The following RGL1 variants were observed in gnomAD, a reference collection of about 807,000 sequenced individuals.
RGL1 encodes the protein ral guanine nucleotide dissociation stimulator like 1, also known as ral guanine nucleotide dissociation stimulator-like 1.
RGL1 carries 24 observed loss-of-function variants against 95.2 expected under a neutral mutation model. The ratio of observed to expected loss-of-function variants is 0.25; its 90% CI spans 0.18 to 0.35. The LOEUF (loss-of-function observed/expected upper bound fraction) is 0.35. Among genes scored for constraint, RGL1 ranks in the 10% least tolerant of loss-of-function variants. The pLI, the probability that RGL1 is intolerant of heterozygous loss-of-function variation, is 1.00. For missense variants in RGL1, 715 were observed against 936.3 expected (o/e 0.76, Z 3.08); for synonymous variants, 329 against 344.9 (o/e 0.95, Z 0.51).
In RGL1 at chr1:183,776,450, A is replaced by AT. The variant is rs540845486; in HGVS notation, c.133-29915dup. On this transcript the variant is annotated intron_variant, in intron 2 of 18. Coordinates refer to the RGL1 transcript ENST00000304685. ...GGCGTGAGCCACCGCGCCCGGCCAGATTTTTTTTTTAAAACATGTGATCAG... is the reference window on the plus strand; with the variant it reads ...GGCGTGAGCCACCGCGCCCGGCCAGATTTTTTTTTTTAAAACATGTGATCAG... 1.8e-3 allele frequency among the ~76,000 whole-genome samples: 271 copies of AT among 150,428 alleles called. 4 individuals are homozygous for AT. Among genetic ancestry groups the AT allele is most frequent in the South Asian group, 0.016 (75 of 4,742 alleles).
chr1:183,832,577 G>T (rs772124293), intron 2 of RGL1, among the ~76,000 whole-genome samples: 14 of 152,166 alleles, frequency 9.2e-5, no homozygotes, highest in Non-Finnish European at 1.8e-4. Flanking sequence ...AGTGAAGGAT[G>T]AGGAACTGTT....
chr1:183,922,431 C>T (rs951269381), intron 17 of RGL1, 95 bp downstream of exon 17: 5 of 904,900 alleles, frequency 5.5e-6, no homozygotes, highest in East Asian at 2.6e-5. Flanking sequence ...AAAACGGATA[C>T]GTATTGTTTT....
At position 183,724,639 on chromosome 1, in the gene RGL1, C is replaced by T. The variant is rs1656207504; in HGVS notation, c.-32-17487C>T. Among the ~76,000 whole-genome samples the T allele has an allele frequency of 6.6e-6, 1 of 152,050 alleles. No individual in the cohort carries two copies. Among genetic ancestry groups the T allele is most frequent in the South Asian group, 2.1e-4 (1 of 4,828 alleles). On this transcript the variant is annotated intron_variant, in intron 1 of 18. Coordinates refer to the RGL1 transcript ENST00000304685. The surrounding 1 kb of genome is among the most constrained non-coding windows in gnomAD (Gnocchi z 4.1). Reference sequence around the variant, plus strand: ...TTATATTGTAGTTTGGGTGTCAGCACAGCAGCAGTAGAATAGAGCACCAGG... The same window carrying T: ...TTATATTGTAGTTTGGGTGTCAGCATAGCAGCAGTAGAATAGAGCACCAGG...
At chr1:183,717,900 A>T (rs1655726916) in intron 1 of RGL1, among the ~76,000 whole-genome samples, 1 of 152,198 alleles carries the variant, frequency 6.6e-6, no homozygotes, top group Admixed American at 6.5e-5. Flanking sequence ...ACATCCTCTC[A>T]GGTTGGGGCA....
Position 183,883,840 on chromosome 1 carries a change from G to A in RGL1, c.665G>A (p.Gly222Asp), listed in dbSNP as rs1666961387. Residue 222 changes from glycine (G) to aspartate (D), a missense_variant, in exon 6 of 18, where the codon GGT becomes GAT. This residue lies in a region of RGL1 where 381 missense variants were observed against 484.8 expected (regional missense o/e 0.79). Coordinates refer to ENST00000360851, the MANE Select transcript of RGL1 (RefSeq NM_001297671.3). Reference protein sequence around the residue: ...FSLEEEEELEGGESAEFTCFS... With the variant: ...FSLEEEEELEDGESAEFTCFS... Reference sequence around the variant, plus strand: ...CTGGAAGAGGAAGAGGAACTGGAGGGTGGAGAGTCAGCAGAATTCACGTGC... The same window carrying A: ...CTGGAAGAGGAAGAGGAACTGGAGGATGGAGAGTCAGCAGAATTCACGTGC... The A allele has an allele frequency of 2.5e-6, 4 of 1,614,020 alleles. No individual in the cohort carries two copies. The African/African-American group carries it at 4.0e-5, about 16-fold the overall frequency.
intron 4 of RGL1, among the ~76,000 whole-genome samples, chr1:183,869,128 A>G (rs1558260357): frequency 1.3e-5 from 2 of 152,186 alleles, no homozygotes; most frequent in African/African-American, 4.8e-5. Flanking sequence ...TCTTAAAAGT[A>G]AATAATAATA....
chr1:183,894,045 T>G (rs369071589), intron 9 of RGL1, among the ~76,000 whole-genome samples: 14 of 152,336 alleles, frequency 9.2e-5, no homozygotes, highest in African/African-American at 3.1e-4. Context: ...AACTGCACAC[T>G]AAACAATCAT....
intron 1 of RGL1, among the ~76,000 whole-genome samples, chr1:183,659,529 C>A (rs1341849642): frequency 6.6e-6 from 1 of 152,114 alleles, no homozygotes; most frequent in Non-Finnish European, 1.5e-5. Flanking sequence ...AAGAAACGAA[C>A]AAAGCCTCCA....
chr1:183,643,430 T>C (rs1278997647), intron 1 of RGL1, among the ~76,000 whole-genome samples: 3 of 152,032 alleles, frequency 2.0e-5, no homozygotes, highest in African/African-American at 7.2e-5. Flanking sequence ...TAGCTGGGAC[T>C]ACAGGTGCAT....
At chr1:183,728,382 C>A (rs1656429986) in intron 1 of RGL1, among the ~76,000 whole-genome samples, 1 of 152,052 alleles carries the variant, frequency 6.6e-6, no homozygotes, top group Admixed American at 6.6e-5. Context: ...ACATATATAG[C>A]CAATTTATAT....
intron 17 of RGL1, among the ~76,000 whole-genome samples, chr1:183,925,338 G>T (rs1277158878): frequency 1.3e-5 from 2 of 152,150 alleles, no homozygotes; most frequent in Non-Finnish European, 1.5e-5. Context: ...CTGTCAGGGG[G>T]TTGGGGAAAA....
intron 1 of RGL1, among the ~76,000 whole-genome samples, chr1:183,689,595 C>A (rs935793965): frequency 6.6e-6 from 1 of 152,172 alleles, no homozygotes; most frequent in African/African-American, 2.4e-5. Flanking sequence ...GCTTACATTT[C>A]TGTAGCTTTT....
intron 2 of RGL1, among the ~76,000 whole-genome samples, chr1:183,797,882 T>C (rs556963009): frequency 3.9e-5 from 6 of 152,310 alleles, no homozygotes; most frequent in African/African-American, 1.2e-4. Flanking sequence ...CATAGGGATA[T>C]TGGAAGAAAT....
chr1:183,832,117 T>G (rs1318547614), intron 2 of RGL1, among the ~76,000 whole-genome samples: 1 of 152,104 alleles, frequency 6.6e-6, no homozygotes, highest in Non-Finnish European at 1.5e-5. Flanking sequence ...GTGAGACTAG[T>G]TAGGTGCCTA....
chr1:183,889,600 T>G (rs952938226), intron 8 of RGL1, among the ~76,000 whole-genome samples: 2 of 152,186 alleles, frequency 1.3e-5, no homozygotes, highest in Admixed American at 1.3e-4. Context: ...CAGAGTTTCA[T>G]AAATTTATGC....
chr1:183,757,579 G>C (rs1658420079), intron 2 of RGL1, among the ~76,000 whole-genome samples: 1 of 152,054 alleles, frequency 6.6e-6, no homozygotes, highest in African/African-American at 2.4e-5. Context: ...CTCTGAGATG[G>C]GTAAAATAGA....
At chr1:183,864,998 A>G (rs1157001210) in intron 3 of RGL1, among the ~76,000 whole-genome samples, 1 of 152,234 alleles carries the variant, frequency 6.6e-6, no homozygotes, top group African/African-American at 2.4e-5. Context: ...CATCAATTAT[A>G]GAATTTATCA....
At chr1:183,816,282 G>A (rs567649649) in intron 2 of RGL1, among the ~76,000 whole-genome samples, 20 of 152,246 alleles carry the variant, frequency 1.3e-4, no homozygotes, top group Middle Eastern at 3.4e-3. Flanking sequence ...AGAAAAATCA[G>A]ACAGTCGGAA....
At chr1:183,710,322 C>T (rs945484147) in intron 1 of RGL1, 1 of 157,598 alleles carries the variant, frequency 6.3e-6, no homozygotes, top group African/African-American at 2.4e-5. Context: ...CTCTCCAAGA[C>T]CTATGAAGGT....
Sources: allele counts gnomAD v4.1 joint callset (sites outside exome capture counted in the v4.1 genomes callset), GRCh38; gene constraint gnomAD v4.1.1; regional missense constraint gnomAD v4.1.1; non-coding constraint Gnocchi (gnomAD v3.1); transcripts MANE v1.5; gene names NCBI Gene and HGNC (gene_info 2026-07-23, HGNC 2026-07-21).